GNB1L: variants seen among roughly 807,000 people sequenced by gnomAD.
GNB1L encodes the protein guanine nucleotide-binding protein subunit beta-like protein 1.
In GNB1L, 20 loss-of-function variants were observed where a neutral mutation model predicts 29.1. That is an observed-to-expected ratio of 0.69 (90% CI 0.48 to 1.00). The LOEUF (loss-of-function observed/expected upper bound fraction) is 1.00, where lower values mean the gene tolerates loss of function less well. Among genes scored for constraint, GNB1L ranks in the 50% least tolerant of loss-of-function variants. The pLI is 0.00. For missense variants in GNB1L, 421 were observed against 464.9 expected, an observed-to-expected ratio of 0.91 and a Z score of 0.87; for synonymous variants, 193 against 206.5, an observed-to-expected ratio of 0.93 and a Z score of 0.56.
chr22:19,830,917 T>C (rs922464622), intron 2 of GNB1L, among the ~76,000 whole-genome samples: 1 of 152,140 alleles, frequency 6.6e-6, no homozygotes, highest in African/African-American at 2.4e-5. Context: ...GTATCTCACA[T>C]CACTGGAACA....
Position 19,788,878 on chromosome 22 carries a change from CCTGCGGTGG to C in GNB1L, c.806_814del (p.Ala269_Ala271del). 6.2e-7 allele frequency: 1 copy of C among 1,612,920 alleles called. No homozygotes were observed. The highest frequency in any genetic ancestry group is 8.5e-7 in the Non-Finnish European group (1 of 1,179,958). ...GAACACGCGGATGCGGTGGTCCCAGCCTGCGGTGGCCAGGATCTTGCGATCTGGCCGGAT... is the reference window on the plus strand; with the variant it reads ...GAACACGCGGATGCGGTGGTCCCAGCCCAGGATCTTGCGATCTGGCCGGAT... On this transcript the variant is annotated inframe_deletion, in exon 8 of 8. Transcript: ENST00000329517.
chr22:19,807,003 A>C (rs1337478262), intron 5 of GNB1L, among the ~76,000 whole-genome samples: 1 of 152,216 alleles, frequency 6.6e-6, no homozygotes, highest in African/African-American at 2.4e-5. Context: ...CAGGCTGAGC[A>C]GGAGGCTGGT....
chr22:19,829,382 C>T lies in GNB1L; in HGVS notation c.-20-8007G>A, dbSNP rs556384504. Among the ~76,000 whole-genome samples the T allele has an allele frequency of 9.2e-5, 14 of 152,068 alleles. No individual in the cohort carries two copies. In the East Asian group the frequency reaches 2.3e-3, roughly 25 times the overall value. Reference sequence around the variant, plus strand: ...ATTTATAAATAAAATTCCATGACCACAGTGCAATTAAATTAGAAATTAATA... The same window carrying T: ...ATTTATAAATAAAATTCCATGACCATAGTGCAATTAAATTAGAAATTAATA... On this transcript the variant is annotated intron_variant, in intron 2 of 7. Transcript: ENST00000329517.
intron 2 of GNB1L, among the ~76,000 whole-genome samples, chr22:19,834,322 G>A (rs1337960406): frequency 6.6e-6 from 1 of 152,126 alleles, no homozygotes; most frequent in Non-Finnish European, 1.5e-5. Flanking sequence ...GGGGATGAAG[G>A]CAAAATAAAG....
At position 19,826,734 on chromosome 22, in the gene GNB1L, C is replaced by T. The variant is rs147676628; in HGVS notation, c.-20-5359G>A. Among the ~76,000 whole-genome samples the T allele has an allele frequency of 4.3e-4, 65 of 152,328 alleles. 1 individual carries two copies. The East Asian group carries it at 0.012, about 28-fold the overall frequency. On this transcript the variant is annotated intron_variant, in intron 2 of 7. Coordinates refer to ENST00000329517, the MANE Select transcript of GNB1L (RefSeq NM_053004.3). Reference sequence around the variant, plus strand: ...GGAGACATCTGGCTGTCACCACTTTCACCACTGAGAAAAGCTAGCACTGCC... The same window carrying T: ...GGAGACATCTGGCTGTCACCACTTTTACCACTGAGAAAAGCTAGCACTGCC...
At position 19,788,678 on chromosome 22, in the gene GNB1L, C is replaced by T; in HGVS notation, c.*31G>A. On this transcript the variant is annotated 3_prime_UTR_variant, in exon 8 of 8. Transcript: ENST00000329517. Reference sequence around the variant, plus strand: ...CCTGATGCCCACCTCCCTGCCCGCCCTCCTCGTCTCCCGGGAAGGGAGTGG... The same window carrying T: ...CCTGATGCCCACCTCCCTGCCCGCCTTCCTCGTCTCCCGGGAAGGGAGTGG... The T allele has an allele frequency of 2.5e-6, 4 of 1,612,294 alleles. No homozygotes were observed. The highest frequency in any genetic ancestry group is 3.4e-6 in the Non-Finnish European group (4 of 1,179,536).
Position 19,810,102 on chromosome 22 carries a change from A to G in GNB1L, c.417+2183T>C, listed in dbSNP as rs191146892. Among the ~76,000 whole-genome samples the G allele has an allele frequency of 1.5e-3, 226 of 152,308 alleles. 1 individual carries two copies. The highest frequency in any genetic ancestry group is 2.8e-3 in the Non-Finnish European group (193 of 68,032). On this transcript the variant is annotated intron_variant, in intron 5 of 7. Transcript: ENST00000329517. The stretch of plus-strand genomic sequence containing the variant: ...AATAAGATCTGTTCTTCTTGTCGCT[A>G]TATCAGGAAGATGGGCTAGTTCCAG...
At chr22:19,847,349 G>T (rs548367897) in intron 2 of GNB1L, 4 of 985,426 alleles carry the variant, frequency 4.1e-6, no homozygotes, top group African/African-American at 3.5e-5. Context: ...AGCTTTATTT[G>T]CCTTGCTCCT....
intron 7 of GNB1L, chr22:19,792,816 C>T (rs1937266981): frequency 1.9e-5 from 25 of 1,305,374 alleles, no homozygotes; most frequent in South Asian, 1.6e-4. Context: ...TGCCTTGTGT[C>T]GTAAAATGGG....
intron 2 of GNB1L, among the ~76,000 whole-genome samples, chr22:19,835,373 T>TAAAA (rs34652133): frequency 7.3e-6 from 1 of 136,288 alleles, no homozygotes; most frequent in Non-Finnish European, 1.6e-5. Flanking sequence ...CTTAAAAATG[T>TAAAA]AAAAAAAAAA....
chr22:19,812,302 C>T lies in GNB1L; in HGVS notation c.400G>A (p.Gly134Arg). The change falls in exon 5 of 8, where the codon GGG becomes AGG. Residue 134 changes from glycine (G) to arginine (R), a missense_variant. Transcript: ENST00000329517. ...GCTCTCACCTCGTCGCTGCCCCTCCCTGGCACGGCAAGCGTCCAGCGTGGC... is the reference window on the plus strand; with the variant it reads ...GCTCTCACCTCGTCGCTGCCCCTCCTTGGCACGGCAAGCGTCCAGCGTGGC... ...GQPRWTLAVP[G>R]RGSDEVQILE... is the part of the protein sequence containing the mutation. 2 of 1,612,740 alleles carry T rather than the reference C, an allele frequency of 1.2e-6. No individual in the cohort carries two copies.
chr22:19,790,719 A>T lies in GNB1L; in HGVS notation c.733-1759T>A, dbSNP rs117096635. Among the ~76,000 whole-genome samples, 9 of 152,204 alleles carry T rather than the reference A, an allele frequency of 5.9e-5. No individual in the cohort carries two copies. In the East Asian group the frequency reaches 1.7e-3, roughly 29 times the overall value. On this transcript the variant is annotated intron_variant, in intron 7 of 7. Transcript: ENST00000329517. The stretch of plus-strand genomic sequence containing the variant: ...TAGCCAGGTGTGGTCGTGTAGTCCC[A>T]GCTACTTGGGAGGTTGAGGTTGGAA...
chr22:19,839,911 T>C (rs886175439), intron 2 of GNB1L, among the ~76,000 whole-genome samples: 6 of 149,966 alleles, frequency 4.0e-5, no homozygotes, highest in Non-Finnish European at 7.4e-5. Flanking sequence ...ATAATAATAA[T>C]AATAAGCCAG....
chr22:19,821,131 T>A (rs1569047431), intron 3 of GNB1L, 97 bp downstream of exon 3: 4 of 1,282,496 alleles, frequency 3.1e-6, no homozygotes, highest in Non-Finnish European at 4.4e-6. Flanking sequence ...TCCATGCCCC[T>A]TGGCCAGCAC....
At chr22:19,852,515 G>A in intron 2 of GNB1L, 2 of 520,582 alleles carry the variant, frequency 3.8e-6, no homozygotes, top group Non-Finnish European at 6.9e-6. Context: ...GGGAAGAGCA[G>A]GAACTAGGCC....
At chr22:19,831,097 AT>A (rs1937672628) in intron 2 of GNB1L, among the ~76,000 whole-genome samples, 2 of 152,174 alleles carry the variant, frequency 1.3e-5, no homozygotes, top group Non-Finnish European at 2.9e-5. Context: ...ATGACTCAAA[AT>A]TTAGATACAA....
At chr22:19,843,707 G>A (rs1434703703) in intron 2 of GNB1L, among the ~76,000 whole-genome samples, 1 of 152,212 alleles carries the variant, frequency 6.6e-6, no homozygotes, top group Non-Finnish European at 1.5e-5. Flanking sequence ...AGCCCCGGCT[G>A]CCCAGAGCAC....
chr22:19,840,099 T>G (rs1937833901), intron 2 of GNB1L, among the ~76,000 whole-genome samples: 3 of 151,752 alleles, frequency 2.0e-5, no homozygotes, highest in African/African-American at 4.8e-5. Flanking sequence ...AAAAGTTATG[T>G]GAATGTGGTC....
intron 5 of GNB1L, among the ~76,000 whole-genome samples, chr22:19,807,373 G>A (rs1156770248): frequency 3.3e-5 from 5 of 152,250 alleles, no homozygotes; most frequent in East Asian, 3.9e-4. Flanking sequence ...GGGGATGGCC[G>A]AGGCCACAAG....
Sources: gnomAD v4.1 joint callset for allele counts (sites outside exome capture counted in the v4.1 genomes callset) on GRCh38, gnomAD v4.1.1 for gene constraint, MANE v1.5 for transcripts, NCBI Gene and HGNC (gene_info 2026-07-23, HGNC 2026-07-21) for gene names.